The following MYO19 variants were observed in gnomAD, a reference collection of about 807,000 sequenced individuals.
The protein encoded by MYO19 is myosin XIX, also known as unconventional myosin-XIX.
In MYO19, 132 loss-of-function variants were observed where a neutral mutation model predicts 129.2. That is an observed-to-expected ratio of 1.02 (90% CI 0.89 to 1.18). MYO19 has a LOEUF of 1.18. Among genes scored for constraint, MYO19 ranks in the 50% most tolerant of loss-of-function variants. The pLI, the probability that MYO19 is intolerant of heterozygous loss-of-function variation, is 0.00. For missense variants in MYO19, 1,210 were observed against 1,216.7 expected (o/e 0.99, Z 0.08); for synonymous variants, 531 against 477.2 (o/e 1.11, Z -1.47).
intron 21 of MYO19, among the ~76,000 whole-genome samples, chr17:36,502,480 A>G (rs1016251863): frequency 5.9e-5 from 9 of 151,916 alleles, no homozygotes; most frequent in African/African-American, 1.9e-4. Context: ...CTTCCAACAA[A>G]TATTTCCCGA....
chr17:36,542,838 C>T (rs2074203898), intron 1 of MYO19, among the ~76,000 whole-genome samples: 1 of 151,920 alleles, frequency 6.6e-6, no homozygotes, highest in Non-Finnish European at 1.5e-5. Context: ...GCCTCAGCCT[C>T]CGGAGTAGCT....
upstream of MYO19, chr17:36,538,749 G>T: frequency 2.6e-6 from 2 of 774,912 alleles, no homozygotes; most frequent in Non-Finnish European, 4.0e-6. Context: ...AAACAGCAGT[G>T]ATGCTTAATT....
chr17:36,535,908 C>G (rs1444891656), upstream of MYO19, among the ~76,000 whole-genome samples: 1 of 150,122 alleles, frequency 6.7e-6, no homozygotes, highest in Non-Finnish European at 1.5e-5. Flanking sequence ...CCACTTCTCT[C>G]GGCTAGGACT....
intron 6 of MYO19, among the ~76,000 whole-genome samples, chr17:36,517,360 A>C (rs534601478): frequency 9.2e-4 from 140 of 152,238 alleles, no homozygotes; most frequent in African/African-American, 3.3e-3. Context: ...CCGGGGTTCA[A>C]GTGATTCTCC....
Position 36,532,589 on chromosome 17 carries a change from G to A in MYO19, c.-51C>T, listed in dbSNP as rs2073893559. The A allele has an allele frequency of 1.5e-5, 23 of 1,551,174 alleles. No homozygotes were observed. The highest frequency in any genetic ancestry group is 1.9e-5 in the Non-Finnish European group (22 of 1,146,444). ...TTCTGGGTTGCAGGAGGTACAAGGA[G>A]TACTATCCACCTAGTCATGGGACCA... is the stretch of plus-strand genomic sequence containing the variant. On this transcript the variant is annotated 5_prime_UTR_variant, in exon 3 of 26. Transcript: ENST00000614623.
chr17:36,504,758 C>T, intron 19 of MYO19: 1 of 180,934 alleles, frequency 5.5e-6, no homozygotes, highest in Non-Finnish European at 1.2e-5. Flanking sequence ...ACTAAAAATA[C>T]AAAAATTAGC....
chr17:36,522,564 A>C (rs894404452), intron 6 of MYO19, among the ~76,000 whole-genome samples: 3 of 151,056 alleles, frequency 2.0e-5, no homozygotes, highest in African/African-American at 7.3e-5. Context: ...CAAGGCAGTA[A>C]ATGAAGAAAA....
At chr17:36,499,216 C>A in intron 23 of MYO19, 56 bp from the exon 24 acceptor site, 1 of 1,333,460 alleles carries the variant, frequency 7.5e-7, no homozygotes, top group African/African-American at 1.4e-5. Flanking sequence ...TTAGAGCTGT[C>A]AGTGACCTCG....
chr17:36,518,542 ATATATATATATGTG>A (rs2072934103), intron 6 of MYO19, among the ~76,000 whole-genome samples: 1 of 105,818 alleles, frequency 9.5e-6, no homozygotes, highest in African/African-American at 3.6e-5. Context: ...ATATATATAT[ATATATATATATGTG>A]TATGTGTATA....
chr17:36,505,371 T>A lies in MYO19; in HGVS notation c.1831A>T (p.Ser611Cys). 6.2e-7 allele frequency: 1 copy of A among 1,614,208 alleles called. No homozygotes were observed. ...SLEQLLQVLH[S>C]TTPHYIRCIK... is the part of the protein sequence containing the mutation. ...CAGCGAATGTAGTGGGGCGTGGTGC[T>A]GTGTAGGACCTGCAGAAGCTGCTCC... is the stretch of plus-strand genomic sequence containing the variant. The change falls in exon 19 of 26, where the codon AGC becomes TGC. Residue 611 changes from serine (S) to cysteine (C), a missense_variant. Ser to Cys is a moderately radical substitution (Grantham distance 112). Coordinates refer to ENST00000614623, the MANE Select transcript of MYO19 (RefSeq NM_001163735.2).
chr17:36,531,394 C>CAAA (rs587678549), intron 3 of MYO19, among the ~76,000 whole-genome samples: 3 of 56,726 alleles, frequency 5.3e-5, no homozygotes, highest in Non-Finnish European at 4.2e-5. Context: ...GACTCCATCT[C>CAAA]AAAAAAAAAA....
At chr17:36,540,812 A>C (rs1473209357) in intron 2 of MYO19, among the ~76,000 whole-genome samples, 1 of 152,196 alleles carries the variant, frequency 6.6e-6, no homozygotes, top group Non-Finnish European at 1.5e-5. Context: ...TTACCACATA[A>C]AACTGTGGTT....
At chr17:36,526,051 A>AGGT (rs1408283556) in intron 5 of MYO19, among the ~76,000 whole-genome samples, 1 of 152,132 alleles carries the variant, frequency 6.6e-6, no homozygotes, top group African/African-American at 2.4e-5. Context: ...GCCAGCAGTG[A>AGGT]TCACTTACCC....
chr17:36,542,873 G>T (rs12952548), intron 1 of MYO19, among the ~76,000 whole-genome samples: 44,793 of 151,078 alleles, frequency 0.3, 8,167 homozygotes, highest in Non-Finnish European at 0.41. Flanking sequence ...TCGCCACCAC[G>T]CCCAGCTGAT....
chr17:36,525,199 T>A (rs1329196280), intron 6 of MYO19, 29 bp downstream of exon 6: 2 of 1,546,964 alleles, frequency 1.3e-6, no homozygotes, highest in East Asian at 2.3e-5. Flanking sequence ...CAGTCGTGAG[T>A]TGACAGGATG....
chr17:36,526,932 C>T (rs559972218), intron 5 of MYO19, among the ~76,000 whole-genome samples: 12 of 152,148 alleles, frequency 7.9e-5, no homozygotes, highest in South Asian at 4.2e-4. Context: ...GTAATTCCAG[C>T]GCTTTGGGAG....
In MYO19 at chr17:36,498,476, G is replaced by C. The variant is rs774544980; in HGVS notation, c.2547C>G (p.Thr849=). 53 of 1,613,954 alleles carry C rather than the reference G, an allele frequency of 3.3e-5. No individual in the cohort carries two copies. The highest frequency in any genetic ancestry group is 4.4e-5 in the Non-Finnish European group (52 of 1,179,914). Residue 849 remains threonine (T), a synonymous_variant, in exon 25 of 26, where the codon ACC becomes ACG. Transcript: ENST00000614623. ...HFSQAPCSLS[T]SPLQTRLLEA... ...CCAGGAGCCTGGTCTGCAGCGGCGAGGTGCTCAGGGAACAGGGAGCTTGAG... is the reference window on the plus strand; with the variant it reads ...CCAGGAGCCTGGTCTGCAGCGGCGACGTGCTCAGGGAACAGGGAGCTTGAG...
chr17:36,535,451 GA>G (rs1461551057), upstream of MYO19: 6 of 152,288 alleles, frequency 3.9e-5, no homozygotes, highest in Admixed American at 3.9e-4. Context: ...GGCCGGCCCG[GA>G]AGTGCCAGCT....
At position 36,503,613 on chromosome 17, in the gene MYO19, G is replaced by C. The variant is rs73276765; in HGVS notation, c.1976+337C>G. Among the ~76,000 whole-genome samples, 682 of 152,240 alleles carry C rather than the reference G, an allele frequency of 4.5e-3. 9 individuals carry two copies. Among genetic ancestry groups the C allele is most frequent in the African/African-American group, 0.016 (668 of 41,520 alleles). On this transcript the variant is annotated intron_variant, in intron 20 of 25. Coordinates refer to ENST00000614623, the MANE Select transcript of MYO19 (RefSeq NM_001163735.2). ...TCCTCTGCCTCCCCCAGATCTCCCTGCTCCTCATCAAGGCAACACTTCTCA... is the reference window on the plus strand; with the variant it reads ...TCCTCTGCCTCCCCCAGATCTCCCTCCTCCTCATCAAGGCAACACTTCTCA...
Sources: gnomAD v4.1 joint callset for allele counts (sites outside exome capture counted in the v4.1 genomes callset) on GRCh38, gnomAD v4.1.1 for gene constraint, MANE v1.5 for transcripts, NCBI Gene and HGNC (gene_info 2026-07-23, HGNC 2026-07-21) for gene names.